The following THSD7B variants were observed in gnomAD, a reference collection of about 807,000 sequenced individuals.
THSD7B encodes the protein thrombospondin type 1 domain containing 7B, also known as thrombospondin type-1 domain-containing protein 7B.
A neutral mutation model predicts 213.6 loss-of-function variants in THSD7B; 138 were observed. That is an observed-to-expected ratio of 0.65 (90% CI 0.56 to 0.74). THSD7B has a LOEUF of 0.74. Among genes scored for constraint, THSD7B ranks in the 30% least tolerant of loss-of-function variants. The pLI, the probability that THSD7B is intolerant of heterozygous loss-of-function variation, is 0.00. For missense variants in THSD7B, 1,931 were observed against 1,991.5 expected, an observed-to-expected ratio of 0.97 and a Z score of 0.58; for synonymous variants, 742 against 687.0, an observed-to-expected ratio of 1.08 and a Z score of -1.25.
At chr2:137,670,523 C>A (rs888571363) in intron 27 of THSD7B, among the ~76,000 whole-genome samples, 1 of 152,064 alleles carries the variant, frequency 6.6e-6, no homozygotes, top group African/African-American at 2.4e-5. Flanking sequence ...ACTTTGATTT[C>A]GATAAGAGAG....
chr2:137,537,832 G>T (rs1185915418), intron 15 of THSD7B, among the ~76,000 whole-genome samples: 1 of 151,526 alleles, frequency 6.6e-6, no homozygotes, highest in Admixed American at 6.6e-5. Flanking sequence ...CCAGGCACTG[G>T]GTTTAGTATT....
chr2:136,858,754 C>T (rs1175947939), intron 1 of THSD7B, among the ~76,000 whole-genome samples: 1 of 152,164 alleles, frequency 6.6e-6, no homozygotes, highest in African/African-American at 2.4e-5. Context: ...CTCCCATTAT[C>T]TGAATTGCTT....
At chr2:136,886,135 G>T (rs1683712294) in intron 2 of THSD7B, among the ~76,000 whole-genome samples, 1 of 152,162 alleles carries the variant, frequency 6.6e-6, no homozygotes, top group Non-Finnish European at 1.5e-5. Flanking sequence ...CATGGGGAGG[G>T]TGATGGGAGC....
intron 12 of THSD7B, among the ~76,000 whole-genome samples, chr2:137,318,054 T>C (rs560460348): frequency 2.0e-5 from 3 of 152,204 alleles, no homozygotes; most frequent in Non-Finnish European, 2.9e-5. Flanking sequence ...ACCCACTCTA[T>C]TAGGCAAGAT....
At chr2:137,399,755 G>T (rs1277308400) in intron 12 of THSD7B, among the ~76,000 whole-genome samples, 1 of 151,948 alleles carries the variant, frequency 6.6e-6, no homozygotes, top group Non-Finnish European at 1.5e-5. Context: ...CTAGAATAAG[G>T]ATGTTTTCAT....
At chr2:137,313,924 C>G (rs1285117374) in intron 12 of THSD7B, among the ~76,000 whole-genome samples, 2 of 152,206 alleles carry the variant, frequency 1.3e-5, no homozygotes, top group African/African-American at 4.8e-5. Flanking sequence ...ACCTTTCTCT[C>G]TGGCTGCCCT....
intron 12 of THSD7B, among the ~76,000 whole-genome samples, chr2:137,292,927 A>C (rs954729119): frequency 6.6e-6 from 1 of 152,100 alleles, no homozygotes; most frequent in Non-Finnish European, 1.5e-5. Context: ...CCAGTTACCC[A>C]GTCTGAACAG....
intron 1 of THSD7B, among the ~76,000 whole-genome samples, chr2:136,792,823 G>T (rs1681993174): frequency 6.6e-6 from 1 of 151,842 alleles, no homozygotes; most frequent in Admixed American, 6.6e-5. Flanking sequence ...AAATTTTATA[G>T]AAATGGAATC....
Position 137,450,927 on chromosome 2 carries a change from A to G in THSD7B, c.3042A>G (p.Ser1014=). The change falls in exon 15 of 28, where the codon TCA becomes TCG. Residue 1014 remains serine (S), a synonymous_variant. Transcript: ENST00000409968. ...SDWSSWGSCS[S]SCGIGVRIRS... ...GGTCTAGTTGGGGGTCTTGCAGTTC[A>G]TCTTGTGGAATTGGAGTGAGAATTC... 1.2e-6 allele frequency: 2 copies of G among 1,613,738 alleles called. No individual in the cohort carries two copies. Among genetic ancestry groups the G allele is most frequent in the Non-Finnish European group, 8.5e-7 (1 of 1,179,736 alleles).
intron 27 of THSD7B, among the ~76,000 whole-genome samples, chr2:137,668,458 A>C (rs527546561): frequency 2.6e-5 from 4 of 151,392 alleles, no homozygotes; most frequent in East Asian, 1.9e-4. Flanking sequence ...AAAAAAAAAA[A>C]CCATTTTGTA....
chr2:137,335,598 G>C (rs1231901508), intron 12 of THSD7B, among the ~76,000 whole-genome samples: 1 of 152,182 alleles, frequency 6.6e-6, no homozygotes, highest in Non-Finnish European at 1.5e-5. Context: ...GGTTTTTGGA[G>C]AGAAATAATG....
chr2:136,956,489 T>TA (rs56276578), intron 2 of THSD7B, among the ~76,000 whole-genome samples: 38 of 151,324 alleles, frequency 2.5e-4, no homozygotes, highest in African/African-American at 5.8e-4. Context: ...AGAATTTTTT[T>TA]AAATTTTTTT....
Position 137,231,149 on chromosome 2 carries a change from G to GGTCATCCTGTTCCCA in THSD7B, c.1833_1847dup (p.Ser612_Ser616dup). The GGTCATCCTGTTCCCA allele has an allele frequency of 6.2e-7, 1 of 1,613,666 alleles. No individual in the cohort carries two copies. The highest frequency in any genetic ancestry group is 8.5e-7 in the Non-Finnish European group (1 of 1,179,772). ...TGTGTGCTGAGCGAGTGGACGGAGT[G>GGTCATCCTGTTCCCA]GTCATCCTGTTCCCAGTCCTGTTCA... is the stretch of plus-strand genomic sequence containing the variant. On this transcript the variant is annotated inframe_insertion, in exon 8 of 28. Transcript: ENST00000409968.
chr2:137,159,728 G>A (rs903506617), intron 5 of THSD7B, among the ~76,000 whole-genome samples: 1 of 152,104 alleles, frequency 6.6e-6, no homozygotes, highest in Non-Finnish European at 1.5e-5. Flanking sequence ...TCCTAAGTAC[G>A]ATTTTTCTTG....
chr2:136,878,367 A>G (rs1302573592), intron 1 of THSD7B, among the ~76,000 whole-genome samples: 5 of 152,170 alleles, frequency 3.3e-5, no homozygotes, highest in African/African-American at 1.2e-4. Flanking sequence ...AAATAGTGCC[A>G]CAATAAACAT....
chr2:137,203,349 T>A (rs10153631), intron 7 of THSD7B, among the ~76,000 whole-genome samples: 57 of 151,982 alleles, frequency 3.8e-4, no homozygotes, highest in African/African-American at 1.3e-3. Flanking sequence ...TAATAATTGT[T>A]TCAGATTGTC....
chr2:137,546,463 AAT>A (rs57851328), intron 15 of THSD7B, among the ~76,000 whole-genome samples: 733 of 20,744 alleles, frequency 0.035, 98 homozygotes, highest in Middle Eastern at 0.05. Flanking sequence ...TATTATATAT[AAT>A]ATATATATAT....
chr2:137,121,169 T>C (rs1688539676), intron 5 of THSD7B, among the ~76,000 whole-genome samples: 1 of 152,196 alleles, frequency 6.6e-6, no homozygotes, highest in South Asian at 2.1e-4. Flanking sequence ...ACTTTAAGTG[T>C]TCATTAAATT....
At chr2:136,895,482 C>T (rs1421786844) in intron 2 of THSD7B, among the ~76,000 whole-genome samples, 1 of 137,492 alleles carries the variant, frequency 7.3e-6, no homozygotes, top group African/African-American at 2.7e-5. Flanking sequence ...GTTGATGATC[C>T]AAATGAACCA....
Sources: gnomAD v4.1 joint callset for allele counts (sites outside exome capture counted in the v4.1 genomes callset) on GRCh38, gnomAD v4.1.1 for gene constraint, MANE v1.5 for transcripts, NCBI Gene and HGNC (gene_info 2026-07-23, HGNC 2026-07-21) for gene names.